CDH3: variants seen among roughly 807,000 people sequenced by gnomAD.
The protein encoded by CDH3 is cadherin 3.
Under a neutral mutation model 82.0 loss-of-function variants are expected in CDH3, and 54 were observed. That is an observed-to-expected ratio of 0.66 (90% CI 0.53 to 0.83). The LOEUF is 0.83. CDH3 is among the 40% of genes least tolerant of loss of function. CDH3 has a pLI of 0.00. For synonymous variants in CDH3, 446 were observed against 437.9 expected, an observed-to-expected ratio of 1.02 and a Z score of -0.23; for missense variants, 1,054 against 1,084.6, an observed-to-expected ratio of 0.97 and a Z score of 0.40.
intron 2 of CDH3, among the ~76,000 whole-genome samples, chr16:68,675,439 GA>G (rs1961002356): frequency 6.6e-6 from 1 of 152,170 alleles, no homozygotes; most frequent in Non-Finnish European, 1.5e-5. Flanking sequence ...CGTTGGTTGT[GA>G]ATATTCTCTA....
chr16:68,679,694 CAAAAAAAA>C (rs66540234), intron 6 of CDH3, 97 bp from the exon 7 acceptor site: 848 of 361,116 alleles, frequency 2.3e-3, no homozygotes, highest in Middle Eastern at 5.7e-3. Context: ...GACTTCATCT[CAAAAAAAA>C]AAAAAAAAAA....
At chr16:68,701,014 GTC>G, downstream of CDH3, among the ~76,000 whole-genome samples, 1 of 152,188 alleles carries the variant, frequency 6.6e-6, no homozygotes, top group Non-Finnish European at 1.5e-5. Context: ...AGGATTGGGT[GTC>G]TCTGCTAGCA....
intron 2 of CDH3, among the ~76,000 whole-genome samples, chr16:68,661,689 CT>C (rs1165240521): frequency 6.6e-6 from 1 of 152,194 alleles, no homozygotes; most frequent in East Asian, 1.9e-4. Flanking sequence ...TCACTAGTAA[CT>C]TTTTTTGTTT....
chr16:68,667,448 T>C (rs1385767449), intron 2 of CDH3, among the ~76,000 whole-genome samples: 4 of 152,184 alleles, frequency 2.6e-5, no homozygotes, highest in South Asian at 2.1e-4. Context: ...GAGTGATCAC[T>C]TGATGGACAT....
intron 1 of CDH3, among the ~76,000 whole-genome samples, chr16:68,706,481 G>A (rs1567461897): frequency 6.6e-6 from 1 of 151,100 alleles, no homozygotes; most frequent in African/African-American, 2.4e-5. Flanking sequence ...TGTGCTGGCT[G>A]CCTGGGGACA....
intron 2 of CDH3, among the ~76,000 whole-genome samples, chr16:68,673,283 C>A (rs1960936974): frequency 6.6e-6 from 1 of 152,130 alleles, no homozygotes; most frequent in Non-Finnish European, 1.5e-5. Context: ...ATAGGCATAA[C>A]ATAAAATGTA....
intron 2 of CDH3, among the ~76,000 whole-genome samples, chr16:68,662,000 T>G (rs1960594009): frequency 6.6e-6 from 1 of 152,242 alleles, no homozygotes; most frequent in Non-Finnish European, 1.5e-5. Flanking sequence ...CAATCACTAC[T>G]AAACATATAA....
In CDH3 at chr16:68,699,124, T is replaced by A. The variant is rs1407433709; in HGVS notation, c.*724T>A. Reference sequence around the variant, plus strand: ...CCATACCATTCACTTGTTTAACGTTTACAATTCAATGGTTTTTAGAATTTT... The same window carrying A: ...CCATACCATTCACTTGTTTAACGTTAACAATTCAATGGTTTTTAGAATTTT... On this transcript the variant is annotated 3_prime_UTR_variant, in exon 16 of 16. Transcript: ENST00000264012. The A allele has an allele frequency of 6.6e-6, 1 of 152,276 alleles. No homozygotes were observed. The highest frequency in any genetic ancestry group is 6.5e-5 in the Admixed American group (1 of 15,274). 9.4% of individuals were successfully genotyped at this position (152,276 alleles called of 1,614,324 possible).
intron 12 of CDH3, among the ~76,000 whole-genome samples, chr16:68,691,011 CTTT>C (rs561915097): frequency 2.9e-5 from 4 of 137,596 alleles, no homozygotes; most frequent in Non-Finnish European, 3.1e-5. Context: ...CCTTTACTTT[CTTT>C]TTTTTTTTTT....
chr16:68,718,505 A>AC (rs1962119920), intron 1 of CDH3, among the ~76,000 whole-genome samples: 1 of 151,570 alleles, frequency 6.6e-6, no homozygotes, highest in East Asian at 2.0e-4. Flanking sequence ...GATGTCAAAA[A>AC]CCCATCTCTA....
intron 15 of CDH3, among the ~76,000 whole-genome samples, chr16:68,697,895 G>A (rs1486721484): frequency 6.6e-6 from 1 of 152,106 alleles, no homozygotes; most frequent in African/African-American, 2.4e-5. Context: ...AAGGAAACAG[G>A]CATAGAGTGG....
chr16:68,645,384 G>A lies in CDH3; in HGVS notation c.5G>A (p.Gly2Glu). The A allele has an allele frequency of 1.2e-6, 2 of 1,613,406 alleles. No homozygotes were observed. The highest frequency in any genetic ancestry group is 2.7e-5 in the African/African-American group (2 of 75,046). ...TTCACCCCTCTCTCTGCAGCCATGG[G>A]GCTCCCTCGTGGACCTCTCGCGTCT... M[G>E]LPRGPLASLL... is the part of the protein sequence containing the mutation. Residue 2 changes from glycine (G) to glutamate (E), a missense_variant, in exon 1 of 16, where the codon GGG (glycine) becomes GAG (glutamate). By Grantham distance (98) the Gly-to-Glu change is moderately conservative (BLOSUM62 -2). Coordinates refer to ENST00000264012, the MANE Select transcript of CDH3 (RefSeq NM_001793.6).
intron 15 of CDH3, 93 bp from the exon 16 acceptor site, chr16:68,698,098 G>A (rs1319526896): frequency 1.8e-6 from 2 of 1,106,554 alleles, no homozygotes; most frequent in South Asian, 2.5e-5. Context: ...TTTAGGGGAG[G>A]GGAGAGAGGG....
intron 7 of CDH3, among the ~76,000 whole-genome samples, chr16:68,680,607 A>C (rs1387037209): frequency 6.6e-6 from 1 of 152,156 alleles, no homozygotes; most frequent in Non-Finnish European, 1.5e-5. Context: ...TGAACCTGGG[A>C]GGTGGAGTTT....
chr16:68,716,620 C>A (rs867214220), intron 1 of CDH3, among the ~76,000 whole-genome samples: 707 of 103,012 alleles, frequency 6.9e-3, no homozygotes, highest in Non-Finnish European at 7.7e-3. Flanking sequence ...GACTCCGGCT[C>A]AAAAAAAAAA....
At chr16:68,709,127 G>A (rs886699884) in intron 1 of CDH3, among the ~76,000 whole-genome samples, 2 of 152,168 alleles carry the variant, frequency 1.3e-5, no homozygotes, top group East Asian at 3.9e-4. Context: ...ACTAGGCTGA[G>A]TGCAGTGGTA....
At chr16:68,655,681 T>TAAC (rs10689316) in intron 2 of CDH3, among the ~76,000 whole-genome samples, 31,244 of 151,770 alleles carry the variant, frequency 0.21, 3,464 homozygotes, top group African/African-American at 0.25. Context: ...CCGTCTCTGC[T>TAAC]AACAACAACA....
rs374771554 is a variant in CDH3 at position 68,684,702 on chromosome 16, G to A, written c.1302G>A (p.Val434=). 8.1e-6 allele frequency: 13 copies of A among 1,614,104 alleles called. No homozygotes were observed. In the African/African-American group the frequency reaches 1.6e-4, roughly 20 times the overall value. ...CCATAGTGGTCCACGTGGAGGATGT[G>A]AATGAGGCACCTGTGTTTGTCCCAC... ...TATIVVHVED[V]NEAPVFVPPS... is the part of the protein sequence containing the mutation. Residue 434 remains valine, a synonymous_variant, in exon 10 of 16, where the codon GTG becomes GTA. Coordinates refer to ENST00000264012, the MANE Select transcript of CDH3 (RefSeq NM_001793.6).
At chr16:68,680,303 C>T (rs1296646563) in intron 7 of CDH3, among the ~76,000 whole-genome samples, 4 of 152,208 alleles carry the variant, frequency 2.6e-5, no homozygotes, top group Admixed American at 2.6e-4. Context: ...CCTTATGTGC[C>T]ACAAAGTAGA....
Sources: gnomAD v4.1 joint callset for allele counts (sites outside exome capture counted in the v4.1 genomes callset) on GRCh38, gnomAD v4.1.1 for gene constraint, MANE v1.5 for transcripts, NCBI Gene and HGNC (gene_info 2026-07-23, HGNC 2026-07-21) for gene names.